Variants in ICMT observed in about 807,000 individuals in gnomAD.
The protein encoded by ICMT is isoprenylcysteine carboxyl methyltransferase.
A neutral mutation model predicts 32.2 loss-of-function variants in ICMT; 10 were observed. The ratio of observed to expected loss-of-function variants is 0.31; its 90% CI spans 0.19 to 0.53. The LOEUF (loss-of-function observed/expected upper bound fraction) is 0.53. ICMT is among the 20% of genes least tolerant of loss of function. The pLI is 0.96. For missense variants in ICMT, 265 were observed against 356.9 expected, an observed-to-expected ratio of 0.74 and a Z score of 2.07; for synonymous variants, 183 against 158.2, an observed-to-expected ratio of 1.16 and a Z score of -1.18.
In ICMT at chr1:6,235,951, T is replaced by TAGCCCGGAGAAACGCGCTGGCTGC; in HGVS notation, c.-41_-40insGCAGCCAGCGCGTTTCTCCGGGCT. On this transcript the variant is annotated 5_prime_UTR_variant, in exon 1 of 5. Coordinates refer to ENST00000343813, the MANE Select transcript of ICMT (RefSeq NM_012405.4). ...GACTAGCGGGCGGCGGCGCCGGCTG[T>TAGCCCGGAGAAACGCGCTGGCTGC]AGCCCGGAGAAACGCGCCGGCTGCG... 1 of 1,026,546 alleles carries TAGCCCGGAGAAACGCGCTGGCTGC rather than the reference T, an allele frequency of 9.7e-7. No homozygotes were observed. Among genetic ancestry groups the TAGCCCGGAGAAACGCGCTGGCTGC allele is most frequent in the Middle Eastern group, 4.3e-4 (1 of 2,322 alleles). 63.6% of individuals were successfully genotyped at this position (1,026,546 alleles called of 1,614,324 possible).
intron 4 of ICMT, among the ~76,000 whole-genome samples, chr1:6,229,461 A>T (rs1459418896): frequency 6.6e-6 from 1 of 152,148 alleles, no homozygotes; most frequent in African/African-American, 2.4e-5. Context: ...CTGGGCAACA[A>T]GAGTGAAACT....
intron 1 of ICMT, 30 bp from the exon 2 acceptor site, chr1:6,235,004 T>G (rs1668798011): frequency 6.4e-7 from 1 of 1,569,200 alleles, no homozygotes; most frequent in Non-Finnish European, 8.8e-7. Context: ...AGCTCAGTCA[T>G]TCACAGTCCT....
chr1:6,226,724 C>T (rs1668650440), intron 4 of ICMT, among the ~76,000 whole-genome samples: 1 of 152,162 alleles, frequency 6.6e-6, no homozygotes, highest in South Asian at 2.1e-4. Flanking sequence ...CGCTACTATC[C>T]CCACTTTGTT....
At position 6,233,631 on chromosome 1, in the gene ICMT, G is replaced by A; in HGVS notation, c.297C>T (p.Ser99=). ...ATTCAGAATAGTGGAACAATGACAGGGAGCACATGTACCTATTTAAAGACA... is the reference window on the plus strand; with the variant it reads ...ATTCAGAATAGTGGAACAATGACAGAGAGCACATGTACCTATTTAAAGACA... ...SWSHFGWYMC[S]LSLFHYSEYL... is the part of the protein sequence containing the mutation. Residue 99 remains serine (S), a synonymous_variant, in exon 3 of 5, where the codon TCC becomes TCT. Transcript: ENST00000343813. 6.2e-7 allele frequency: 1 copy of A among 1,611,516 alleles called. No individual in the cohort carries two copies. The highest frequency in any genetic ancestry group is 8.5e-7 in the Non-Finnish European group (1 of 1,179,224).
chr1:6,224,477 T>G lies in ICMT; in HGVS notation c.*603A>C, dbSNP rs1668608979. 1 of 152,256 alleles carries G rather than the reference T, an allele frequency of 6.6e-6. No individual in the cohort carries two copies. The highest frequency in any genetic ancestry group is 1.5e-5 in the Non-Finnish European group (1 of 68,068). The allele number at this position is 152,256 out of a possible 1,614,324, so 9.4% of individuals were successfully genotyped here. The stretch of plus-strand genomic sequence containing the variant: ...AAGCATTGAGCTAGGAATACCCCTT[T>G]GAATGTGTACTGCTACTTATAAAAA... On this transcript the variant is annotated 3_prime_UTR_variant, in exon 5 of 5. Transcript: ENST00000343813.
At chr1:6,231,125 C>T (rs376436632) in intron 4 of ICMT, among the ~76,000 whole-genome samples, 6 of 151,374 alleles carry the variant, frequency 4.0e-5, no homozygotes, top group Non-Finnish European at 7.4e-5. Context: ...GAACCAAGAT[C>T]GCACCACTGC....
chr1:6,228,586 C>T (rs1668680988), intron 4 of ICMT, among the ~76,000 whole-genome samples: 1 of 151,976 alleles, frequency 6.6e-6, no homozygotes, highest in Non-Finnish European at 1.5e-5. Context: ...TCATGATCTG[C>T]CTGCCTCAGC....
At chr1:6,235,573 G>C in intron 1 of ICMT, 144 bp downstream of exon 1, 1 of 424,060 alleles carries the variant, frequency 2.4e-6, no homozygotes, top group Middle Eastern at 8.6e-4. Context: ...GAGAGAGAGG[G>C]TCCCCTCCTG....
At chr1:6,228,714 C>A (rs1668683054) in intron 4 of ICMT, among the ~76,000 whole-genome samples, 2 of 151,926 alleles carry the variant, frequency 1.3e-5, no homozygotes, top group South Asian at 4.2e-4. Context: ...CTGTGCCTAG[C>A]CAAATAGTAA....
In ICMT at chr1:6,233,522, C is replaced by T. The variant is rs1332615111; in HGVS notation, c.406G>A (p.Ala136Thr). 6.2e-7 allele frequency: 1 copy of T among 1,614,004 alleles called. No homozygotes were observed. Among genetic ancestry groups the T allele is most frequent in the South Asian group, 1.1e-5 (1 of 91,036 alleles). ...LNHSLEYTVAALSSWLEFTLE... is the reference protein window; with the variant it reads ...LNHSLEYTVATLSSWLEFTLE... ...GTGAACTCTAACCAAGAAGAAAGAGCAGCTACTGTATACTCCAGGCTGTGA... is the reference window on the plus strand; with the variant it reads ...GTGAACTCTAACCAAGAAGAAAGAGTAGCTACTGTATACTCCAGGCTGTGA... The change falls in exon 3 of 5, where the codon GCT becomes ACT. Residue 136 changes from alanine to threonine, a missense_variant. This residue lies in a region of ICMT where 166 missense variants were observed against 264.3 expected (regional missense o/e 0.63). Coordinates refer to ENST00000343813, the MANE Select transcript of ICMT (RefSeq NM_012405.4).
At position 6,224,569 on chromosome 1, in the gene ICMT, T is replaced by C. The variant is rs945736258; in HGVS notation, c.*511A>G. 4 of 152,662 alleles carry C rather than the reference T, an allele frequency of 2.6e-5. No homozygotes were observed. Among genetic ancestry groups the C allele is most frequent in the African/African-American group, 4.8e-5 (2 of 41,452 alleles). The allele number at this position is 152,662 out of a possible 1,614,324, so 9.5% of individuals were successfully genotyped here. ...ATCCTATGAGGAAGTATTTTTAAAATTGTATAGATGTTCATGCAGTGGGGG... is the reference window on the plus strand; with the variant it reads ...ATCCTATGAGGAAGTATTTTTAAAACTGTATAGATGTTCATGCAGTGGGGG... On this transcript the variant is annotated 3_prime_UTR_variant, in exon 5 of 5. Coordinates refer to ENST00000343813, the MANE Select transcript of ICMT (RefSeq NM_012405.4).
chr1:6,235,934 G>A lies in ICMT; in HGVS notation c.-23C>T, dbSNP rs1668821859. 1.4e-5 allele frequency: 15 copies of A among 1,095,038 alleles called. No individual in the cohort carries two copies. The highest frequency in any genetic ancestry group is 4.3e-5 in the South Asian group (1 of 23,030). 67.8% of individuals were successfully genotyped at this position (1,095,038 alleles called of 1,614,324 possible). A position where few individuals can be genotyped will look rare whatever the true frequency, so the allele number is the denominator to read the frequency against. On this transcript the variant is annotated 5_prime_UTR_variant, in exon 1 of 5. Coordinates refer to ENST00000343813, the MANE Select transcript of ICMT (RefSeq NM_012405.4). ...CATGGCGCCGGGCGGCGGACTAGCG[G>A]GCGGCGGCGCCGGCTGTAGCCCGGA...
chr1:6,221,782 G>A lies in ICMT; in HGVS notation c.*3298C>T, dbSNP rs1668556616. 6.6e-6 allele frequency: 1 copy of A among 152,192 alleles called. No homozygotes were observed. Among genetic ancestry groups the A allele is most frequent in the Non-Finnish European group, 1.5e-5 (1 of 68,050 alleles). 9.4% of individuals were successfully genotyped at this position (152,192 alleles called of 1,614,324 possible). A position where few individuals can be genotyped will look rare whatever the true frequency, so the allele number is the denominator to read the frequency against. ...TGCCTTGTTTTCTGTCCTGCTAAGAGGCTCACCCCGCGACCTCTTCTGTAA... is the reference window on the plus strand; with the variant it reads ...TGCCTTGTTTTCTGTCCTGCTAAGAAGCTCACCCCGCGACCTCTTCTGTAA... On this transcript the variant is annotated 3_prime_UTR_variant, in exon 5 of 5. Coordinates refer to ENST00000343813, the MANE Select transcript of ICMT (RefSeq NM_012405.4).
intron 4 of ICMT, among the ~76,000 whole-genome samples, chr1:6,226,229 C>G (rs1358265769): frequency 6.6e-6 from 1 of 152,130 alleles, no homozygotes; most frequent in South Asian, 2.1e-4. Flanking sequence ...ATCCCCGTCT[C>G]TACCAAAAAT....
At position 6,222,240 on chromosome 1, in the gene ICMT, G is replaced by C. The variant is rs1668566461; in HGVS notation, c.*2840C>G. Reference sequence around the variant, plus strand: ...GTTCGAGACCAGCCTGGCCATCATGGTGAAACCCCGTCTCTACTAAAAATA... The same window carrying C: ...GTTCGAGACCAGCCTGGCCATCATGCTGAAACCCCGTCTCTACTAAAAATA... On this transcript the variant is annotated 3_prime_UTR_variant, in exon 5 of 5. Coordinates refer to ENST00000343813, the MANE Select transcript of ICMT (RefSeq NM_012405.4). 6.6e-6 allele frequency: 1 copy of C among 152,204 alleles called. No individual in the cohort carries two copies. Among genetic ancestry groups the C allele is most frequent in the South Asian group, 2.1e-4 (1 of 4,826 alleles). 9.4% of individuals were successfully genotyped at this position (152,204 alleles called of 1,614,324 possible).
Position 6,224,886 on chromosome 1 carries a change from C to CA in ICMT, c.*193dup, listed in dbSNP as rs1362545737. ...TCACCCATGTTCCGCCTTGATTCGG[C>CA]ATAAGGACAGACTGCTCCAGTGGGG... On this transcript the variant is annotated 3_prime_UTR_variant, in exon 5 of 5. Coordinates refer to ENST00000343813, the MANE Select transcript of ICMT (RefSeq NM_012405.4). 1.6e-6 allele frequency: 1 copy of CA among 608,382 alleles called. No individual in the cohort carries two copies. Among genetic ancestry groups the CA allele is most frequent in the Non-Finnish European group, 2.9e-6 (1 of 345,510 alleles). The allele number at this position is 608,382 out of a possible 1,614,324, so 37.7% of individuals were successfully genotyped here. A position where few individuals can be genotyped will look rare whatever the true frequency, so the allele number is the denominator to read the frequency against.
chr1:6,234,245 C>T (rs571961885), intron 2 of ICMT, among the ~76,000 whole-genome samples: 3 of 152,066 alleles, frequency 2.0e-5, no homozygotes, highest in Non-Finnish European at 4.4e-5. Context: ...CCCTTCTGTC[C>T]GTTAAAAATG....
chr1:6,231,205 C>T (rs374746488), intron 4 of ICMT, among the ~76,000 whole-genome samples: 2 of 151,710 alleles, frequency 1.3e-5, no homozygotes, highest in Non-Finnish European at 1.5e-5. Context: ...AGAAAAGAAA[C>T]GAAACAAGGC....
intron 3 of ICMT, 90 bp from the exon 4 acceptor site, chr1:6,232,209 G>T: frequency 2.2e-6 from 2 of 913,576 alleles, no homozygotes; most frequent in South Asian, 1.7e-5. Context: ...CTATTTTCCC[G>T]AAGACAGAAA....
Sources: allele counts gnomAD v4.1 joint callset (sites outside exome capture counted in the v4.1 genomes callset), GRCh38; gene constraint gnomAD v4.1.1; regional missense constraint gnomAD v4.1.1; transcripts MANE v1.5; gene names NCBI Gene and HGNC (gene_info 2026-07-23, HGNC 2026-07-21).